Variants in GPM6B observed in about 807,000 individuals in gnomAD.
The protein encoded by GPM6B is neuronal membrane glycoprotein M6-b.
A neutral mutation model predicts 27.2 loss-of-function variants in GPM6B; 4 were observed. The ratio of observed to expected loss-of-function variants is 0.15; its 90% CI spans 0.07 to 0.34. GPM6B has a LOEUF of 0.34. Ranked by LOEUF, GPM6B falls within the 10% of genes least tolerant of loss-of-function variation. The probability of loss-of-function intolerance (pLI) is 1.00; values close to 1 mark genes in which losing one functional copy is unlikely to be tolerated. For missense variants in GPM6B, 183 were observed against 261.9 expected, an observed-to-expected ratio of 0.70 and a Z score of 2.08; for synonymous variants, 124 against 103.1, an observed-to-expected ratio of 1.20 and a Z score of -1.23.
intron 4 of GPM6B, among the ~76,000 whole-genome samples, chrX:13,782,774 G>A (rs116116236): frequency 0.013 from 1,156 of 89,745 alleles, 11 homozygotes; most frequent in African/African-American, 0.037. Context: ...AAAAAAAAAA[G>A]AAAAAAAAAA....
intron 1 of GPM6B, among the ~76,000 whole-genome samples, chrX:13,856,872 G>C (rs1454383995): frequency 9.1e-6 from 1 of 110,279 alleles, no homozygotes; most frequent in African/African-American, 3.3e-5. Flanking sequence ...GCTACTTTTT[G>C]TATATTTTGT....
chrX:13,896,905 T>G (rs2050238738), intron 1 of GPM6B, among the ~76,000 whole-genome samples: 1 of 112,064 alleles, frequency 8.9e-6, no homozygotes, highest in Non-Finnish European at 1.9e-5. Flanking sequence ...AACACAGGAA[T>G]TACATAGAGA....
intron 4 of GPM6B, among the ~76,000 whole-genome samples, chrX:13,782,069 C>CACACAATG (rs2048526077): frequency 1.8e-5 from 2 of 111,778 alleles, no homozygotes; most frequent in African/African-American, 6.5e-5. Context: ...TTCCTCACAC[C>CACACAATG]CTCCAAGGCA....
In GPM6B at chrX:13,784,018, A is replaced by T; in HGVS notation, c.369-497T>A. On this transcript the variant is annotated intron_variant, in intron 3 of 7. Transcript: ENST00000316715. ...GCACTCAGGGCTTCTTTAGGGGGTA[A>T]TCTGGGGAGATGTCTTTTGCACTGT... 3.3e-5 allele frequency: 8 copies of T among 242,029 alleles called. No individual in the cohort carries two copies. The South Asian group carries it at 3.4e-4, about 10-fold the overall frequency. 19.9% of individuals were successfully genotyped at this position (242,029 alleles called of 1,213,427 possible). A position where few individuals can be genotyped will look rare whatever the true frequency, so the allele number is the denominator to read the frequency against.
At chrX:13,879,104 T>C (rs1395026193) in intron 1 of GPM6B, among the ~76,000 whole-genome samples, 1 of 112,272 alleles carries the variant, frequency 8.9e-6, no homozygotes, top group Non-Finnish European at 1.9e-5. Context: ...AGGAAACAGA[T>C]ACAGCAGGGA....
At chrX:13,934,955 A>G (rs1049787574) in intron 1 of GPM6B, among the ~76,000 whole-genome samples, 2 of 111,102 alleles carry the variant, frequency 1.8e-5, no homozygotes, top group African/African-American at 6.5e-5. Flanking sequence ...CTTGTTACAA[A>G]TGCAGAAACT....
chrX:13,853,590 C>CAAAA (rs66531403), intron 1 of GPM6B, among the ~76,000 whole-genome samples: 412 of 38,543 alleles, frequency 0.011, 18 homozygotes, highest in Middle Eastern at 0.088. Flanking sequence ...GACACCACCT[C>CAAAA]AAAAAAAAAA....
At chrX:13,937,104 T>G (rs887774654) in intron 1 of GPM6B, among the ~76,000 whole-genome samples, 1 of 111,477 alleles carries the variant, frequency 9.0e-6, no homozygotes, top group Middle Eastern at 4.2e-3. Flanking sequence ...ATGGTTTGAC[T>G]GCTCACATGG....
intron 1 of GPM6B, among the ~76,000 whole-genome samples, chrX:13,886,091 T>C (rs182022510): frequency 3.7e-4 from 42 of 112,447 alleles, no homozygotes; most frequent in African/African-American, 1.3e-3. Context: ...TATCTACCAC[T>C]TTCTCCTGAT....
chrX:13,858,052 A>T (rs962345642), intron 1 of GPM6B, among the ~76,000 whole-genome samples: 3 of 112,528 alleles, frequency 2.7e-5, no homozygotes, highest in Non-Finnish European at 5.6e-5. Context: ...CTGTGTATAT[A>T]TCAGACAAGT....
chrX:13,825,607 T>C (rs899382817), intron 1 of GPM6B, among the ~76,000 whole-genome samples: 2 of 112,809 alleles, frequency 1.8e-5, no homozygotes, highest in Non-Finnish European at 3.8e-5. Context: ...AAAATTCCGA[T>C]GTCCTTGCCA....
intron 1 of GPM6B, among the ~76,000 whole-genome samples, chrX:13,808,423 C>T (rs1031294358): frequency 3.7e-4 from 42 of 112,223 alleles, no homozygotes; most frequent in African/African-American, 1.2e-3. Context: ...ATGGTGACAG[C>T]TGGCACTCCC....
chrX:13,826,641 T>G (rs944954840), intron 1 of GPM6B, among the ~76,000 whole-genome samples: 5 of 110,599 alleles, frequency 4.5e-5, no homozygotes, highest in African/African-American at 1.7e-4. Flanking sequence ...AGAAGGCCGA[T>G]GTGAGAAGAT....
chrX:13,908,153 T>C (rs923531313), intron 1 of GPM6B, among the ~76,000 whole-genome samples: 4 of 111,499 alleles, frequency 3.6e-5, no homozygotes, highest in Non-Finnish European at 5.6e-5. Flanking sequence ...AGTGAGTATA[T>C]AGGAAATCTC....
rs191845402 is a variant in GPM6B, at chrX:13,812,108, G to A, written c.62-4339C>T. Among the ~76,000 whole-genome samples, 768 of 97,478 alleles carry A rather than the reference G, an allele frequency of 7.9e-3. 15 individuals are homozygous for A. Among genetic ancestry groups the A allele is most frequent in the African/African-American group, 0.028 (719 of 25,997 alleles). 84.6% of individuals were successfully genotyped at this position (97,478 alleles called of 115,157 possible). A position where few individuals can be genotyped will look rare whatever the true frequency, so the allele number is the denominator to read the frequency against. Reference sequence around the variant, plus strand: ...TCTGTCACCCAGGCTGGAGTGCAGCGGCACTATCTCGGCTCACTGCAACCT... The same window carrying A: ...TCTGTCACCCAGGCTGGAGTGCAGCAGCACTATCTCGGCTCACTGCAACCT... On this transcript the variant is annotated intron_variant, in intron 1 of 7. Transcript: ENST00000316715.
chrX:13,787,512 C>T (rs998071398), intron 2 of GPM6B, among the ~76,000 whole-genome samples: 2 of 111,598 alleles, frequency 1.8e-5, no homozygotes, highest in Middle Eastern at 4.6e-3. Context: ...GCCGAGATTG[C>T]GCCACTGAAC....
intron 1 of GPM6B, among the ~76,000 whole-genome samples, chrX:13,892,503 C>A (rs1232920521): frequency 8.9e-6 from 1 of 112,288 alleles, no homozygotes; most frequent in Non-Finnish European, 1.9e-5. Context: ...CCTACCAAAA[C>A]TGTCTCCAAA....
intron 1 of GPM6B, among the ~76,000 whole-genome samples, chrX:13,813,921 C>G (rs746472400): frequency 8.1e-4 from 91 of 112,254 alleles, no homozygotes; most frequent in Non-Finnish European, 1.3e-3. Flanking sequence ...CCTTAAAAAT[C>G]CCTAAATATC....
rs764049533 is a variant in GPM6B at position 13,841,411 on chromosome X, G to T, written c.-197-55603C>A. ...CCATCCCTCTGGATGTCTGTATGATGGTTGTCATAATATATTTTCACATCA... is the reference window on the plus strand; with the variant it reads ...CCATCCCTCTGGATGTCTGTATGATTGTTGTCATAATATATTTTCACATCA... On this transcript the variant is annotated intron_variant, in intron 1 of 6. Coordinates refer to the GPM6B transcript ENST00000398361. Among the ~76,000 whole-genome samples, 8 of 111,920 alleles carry T rather than the reference G, an allele frequency of 7.1e-5. No individual in the cohort carries two copies. The South Asian group carries it at 1.9e-3, about 26-fold the overall frequency.
Sources: allele counts gnomAD v4.1 joint callset (sites outside exome capture counted in the v4.1 genomes callset), GRCh38; gene constraint gnomAD v4.1.1; transcripts MANE v1.5; gene names NCBI Gene and HGNC (gene_info 2026-07-23, HGNC 2026-07-21).